The following CSMD1 variants were observed in gnomAD, a reference collection of about 807,000 sequenced individuals.
CSMD1 encodes the protein CUB and Sushi multiple domains 1.
Under a neutral mutation model 417.5 loss-of-function variants are expected in CSMD1, and 213 were observed. The observed-to-expected ratio is 0.51, with a 90% CI of 0.46 to 0.57. CSMD1 has a LOEUF of 0.57. Among genes scored for constraint, CSMD1 ranks in the 20% least tolerant of loss-of-function variants. The pLI, the probability that CSMD1 is intolerant of heterozygous loss-of-function variation, is 0.00. For synonymous variants in CSMD1, 2,862 were observed against 1,736.8 expected (o/e 1.65, Z -16.11); for missense variants, 6,923 against 4,529.7 (o/e 1.53, Z -15.17).
chr8:4,309,491 T>C (rs1350155913), intron 3 of CSMD1, among the ~76,000 whole-genome samples: 1 of 152,162 alleles, frequency 6.6e-6, no homozygotes, highest in Non-Finnish European at 1.5e-5. Flanking sequence ...GCATTTTCTC[T>C]CATCAAATTT....
At chr8:3,513,564 G>C (rs919303617) in intron 10 of CSMD1, among the ~76,000 whole-genome samples, 2 of 152,010 alleles carry the variant, frequency 1.3e-5, no homozygotes, top group African/African-American at 2.4e-5. Flanking sequence ...TCTGTCCTTT[G>C]GGAGAATCCT....
intron 4 of CSMD1, among the ~76,000 whole-genome samples, chr8:4,005,363 G>C (rs1324332354): frequency 1.3e-5 from 2 of 152,152 alleles, no homozygotes; most frequent in Non-Finnish European, 2.9e-5. Flanking sequence ...GCAGGGGCGG[G>C]TCCGGCTCCT....
At chr8:4,386,965 C>A (rs751133453) in intron 3 of CSMD1, among the ~76,000 whole-genome samples, 2 of 151,996 alleles carry the variant, frequency 1.3e-5, no homozygotes, top group Non-Finnish European at 1.5e-5. Context: ...TAATATGTTA[C>A]GATTATCTAT....
At chr8:3,049,228 T>A (rs1041377230) in intron 50 of CSMD1, among the ~76,000 whole-genome samples, 1 of 152,122 alleles carries the variant, frequency 6.6e-6, no homozygotes, top group Non-Finnish European at 1.5e-5. Flanking sequence ...ATCTCAACCT[T>A]CGGTATTTAC....
chr8:2,996,684 T>C (rs145005303), intron 54 of CSMD1, among the ~76,000 whole-genome samples: 11 of 152,360 alleles, frequency 7.2e-5, no homozygotes, highest in South Asian at 6.2e-4. Context: ...GCCAAAAAGA[T>C]TGAATTATGC....
intron 49 of CSMD1, among the ~76,000 whole-genome samples, chr8:3,072,443 T>C (rs1813384741): frequency 1.3e-5 from 2 of 152,190 alleles, no homozygotes; most frequent in Admixed American, 1.3e-4. Flanking sequence ...TAAATCAATA[T>C]GCCAAGGAGG....
chr8:4,353,704 A>T (rs1563085385), intron 3 of CSMD1, among the ~76,000 whole-genome samples: 1 of 151,972 alleles, frequency 6.6e-6, no homozygotes, highest in Non-Finnish European at 1.5e-5. Context: ...CATAAGAAAA[A>T]TCTTCTTTGT....
At chr8:3,326,594 T>C (rs755205637) in intron 23 of CSMD1, among the ~76,000 whole-genome samples, 25 of 152,254 alleles carry the variant, frequency 1.6e-4, no homozygotes, top group Non-Finnish European at 3.1e-4. Context: ...AGTAAAACTT[T>C]CTAACGTAAA....
At chr8:4,958,760 C>T (rs1563869905) in intron 1 of CSMD1, among the ~76,000 whole-genome samples, 2 of 141,402 alleles carry the variant, frequency 1.4e-5, no homozygotes, top group African/African-American at 6.4e-5. Flanking sequence ...TAATTTCCCC[C>T]TGTTTCAAAC....
At chr8:4,414,958 G>A (rs575763240) in intron 3 of CSMD1, among the ~76,000 whole-genome samples, 4 of 151,960 alleles carry the variant, frequency 2.6e-5, no homozygotes, top group African/African-American at 4.8e-5. Flanking sequence ...ATTTATTTTG[G>A]GACAATATAA....
chr8:4,005,211 C>T (rs572861430), intron 4 of CSMD1, among the ~76,000 whole-genome samples: 58 of 152,204 alleles, frequency 3.8e-4, no homozygotes, highest in African/African-American at 1.3e-3. Flanking sequence ...GTGGTGGGTG[C>T]ACCATCTCAG....
intron 11 of CSMD1, among the ~76,000 whole-genome samples, chr8:3,471,712 C>T (rs1029339401): frequency 7.0e-6 from 1 of 141,982 alleles, no homozygotes; most frequent in Non-Finnish European, 1.5e-5. Flanking sequence ...TTCTTTCCTT[C>T]CTTCCTTCCT....
rs377749373 is a variant in CSMD1, at chr8:3,616,713, A to C, written c.1094T>G (p.Phe365Cys). 182 of 1,603,848 alleles carry C rather than the reference A, an allele frequency of 1.1e-4. No individual in the cohort carries two copies. Among genetic ancestry groups the C allele is most frequent in the Non-Finnish European group, 1.5e-4 (178 of 1,171,404 alleles). ...CCACCACTATTGTATCTCTTACCTG[A>C]AGTCGGAACCTGCTCTTCTACCATT... is the stretch of plus-strand genomic sequence containing the variant. ...PENGRRAGSD[F>C]RVGANVQFSC... Residue 365 changes from phenylalanine to cysteine, a missense_variant, in exon 8 of 70, where the codon TTC (phenylalanine) becomes TGC (cysteine). Physicochemically the swap from Phe to Cys is radical, Grantham distance 205. Transcript: ENST00000635120.
chr8:4,168,999 A>G (rs559296537), intron 3 of CSMD1, among the ~76,000 whole-genome samples: 3 of 152,024 alleles, frequency 2.0e-5, no homozygotes, highest in African/African-American at 7.2e-5. Context: ...CTACTATCTT[A>G]TCAGCCGCTT....
At chr8:4,960,634 T>C (rs112120361) in intron 1 of CSMD1, among the ~76,000 whole-genome samples, 50 of 152,280 alleles carry the variant, frequency 3.3e-4, no homozygotes, top group African/African-American at 9.9e-4. Flanking sequence ...CATCCATACA[T>C]CCATATATCC....
chr8:4,338,736 T>G (rs1047961123), intron 3 of CSMD1, among the ~76,000 whole-genome samples: 16 of 152,120 alleles, frequency 1.1e-4, no homozygotes, highest in Non-Finnish European at 2.2e-4. Context: ...TTTTTTCGCC[T>G]AATTCATAAG....
chr8:4,962,048 G>T (rs781757566), intron 1 of CSMD1, among the ~76,000 whole-genome samples: 3 of 150,738 alleles, frequency 2.0e-5, no homozygotes, highest in African/African-American at 4.9e-5. Context: ...AGGTTTTTTT[G>T]ATTTACTCCA....
chr8:4,597,810 G>C (rs1800366967), intron 2 of CSMD1, among the ~76,000 whole-genome samples: 1 of 152,174 alleles, frequency 6.6e-6, no homozygotes, highest in East Asian at 1.9e-4. Context: ...TGCCACAAGA[G>C]CTAGAAAGAT....
At chr8:4,177,779 C>T (rs1386831506) in intron 3 of CSMD1, among the ~76,000 whole-genome samples, 2 of 151,570 alleles carry the variant, frequency 1.3e-5, no homozygotes, top group Non-Finnish European at 1.5e-5. Flanking sequence ...ATACAAACTG[C>T]CATCAGAGAA....
Sources: gnomAD v4.1 joint callset for allele counts (sites outside exome capture counted in the v4.1 genomes callset) on GRCh38, gnomAD v4.1.1 for gene constraint, MANE v1.5 for transcripts, NCBI Gene and HGNC (gene_info 2026-07-23, HGNC 2026-07-21) for gene names.